The following HDAC9 variants were observed in gnomAD, a reference collection of about 807,000 sequenced individuals.
HDAC9 encodes histone deacetylase 9.
In HDAC9, 41 loss-of-function variants were observed where a neutral mutation model predicts 139.4. That is an observed-to-expected ratio of 0.29 (90% CI 0.23 to 0.38). The LOEUF (loss-of-function observed/expected upper bound fraction) is 0.38, where lower values mean the gene tolerates loss of function less well. Ranked by LOEUF, HDAC9 falls within the 10% of genes least tolerant of loss-of-function variation. HDAC9 has a pLI of 1.00. For synonymous variants in HDAC9, 517 were observed against 476.2 expected, an observed-to-expected ratio of 1.09 and a Z score of -1.12; for missense variants, 1,147 against 1,297.0, an observed-to-expected ratio of 0.88 and a Z score of 1.78.
At chr7:18,657,225 GT>G (rs1345358085) in intron 11 of HDAC9, among the ~76,000 whole-genome samples, 1 of 152,080 alleles carries the variant, frequency 6.6e-6, no homozygotes, top group Non-Finnish European at 1.5e-5. Context: ...CATCCTGTGG[GT>G]TTTAGCTTCA....
At chr7:18,336,507 A>G (rs1781596846) in intron 1 of HDAC9, among the ~76,000 whole-genome samples, 2 of 151,628 alleles carry the variant, frequency 1.3e-5, no homozygotes, top group South Asian at 4.1e-4. Flanking sequence ...TGTACTTTTC[A>G]CTATGAATAT....
intron 21 of HDAC9, among the ~76,000 whole-genome samples, chr7:18,870,414 T>C (rs756539909): frequency 1.4e-4 from 21 of 152,176 alleles, no homozygotes; most frequent in Non-Finnish European, 2.4e-4. Context: ...TTCCTCATTA[T>C]GAGATTTGAA....
intron 16 of HDAC9, among the ~76,000 whole-genome samples, chr7:18,777,562 A>C (rs1235520092): frequency 6.6e-6 from 1 of 152,026 alleles, no homozygotes; most frequent in Non-Finnish European, 1.5e-5. Flanking sequence ...ATAGTGCAAG[A>C]GAGATAAAAG....
intron 12 of HDAC9, among the ~76,000 whole-genome samples, chr7:18,696,603 G>A (rs552041084): frequency 6.6e-6 from 1 of 151,968 alleles, no homozygotes; most frequent in South Asian, 2.1e-4. Context: ...GAGTAGCTGG[G>A]ACTACAGATG....
At chr7:18,114,152 G>T (rs1343522364) in intron 1 of HDAC9, among the ~76,000 whole-genome samples, 1 of 152,192 alleles carries the variant, frequency 6.6e-6, no homozygotes, top group Non-Finnish European at 1.5e-5. Flanking sequence ...ATTTATGGTT[G>T]CAAGATGATA....
chr7:18,627,546 G>C (rs1163504287), intron 6 of HDAC9, among the ~76,000 whole-genome samples: 2 of 152,140 alleles, frequency 1.3e-5, no homozygotes, highest in East Asian at 3.8e-4. Flanking sequence ...CATTAATACA[G>C]TCCCAGTATC....
chr7:18,278,312 T>C (rs1796878785), intron 2 of HDAC9, among the ~76,000 whole-genome samples: 1 of 152,194 alleles, frequency 6.6e-6, no homozygotes, highest in African/African-American at 2.4e-5. Flanking sequence ...AAGGTGAGAT[T>C]TGTTATTTCA....
intron 25 of HDAC9, among the ~76,000 whole-genome samples, chr7:18,993,455 C>T (rs1238379052): frequency 3.9e-5 from 6 of 152,036 alleles, no homozygotes; most frequent in Admixed American, 6.6e-5. Flanking sequence ...CCTTGAAATC[C>T]AGGATATTTT....
At chr7:18,333,024 A>G (rs1201212846) in intron 1 of HDAC9, among the ~76,000 whole-genome samples, 1 of 151,584 alleles carries the variant, frequency 6.6e-6, no homozygotes, top group Non-Finnish European at 1.5e-5. Flanking sequence ...ATAGTTGCTG[A>G]TATTGTTAGG....
intron 1 of HDAC9, among the ~76,000 whole-genome samples, chr7:18,405,556 A>G (rs555487776): frequency 1.3e-5 from 2 of 152,308 alleles, no homozygotes; most frequent in African/African-American, 4.8e-5. Flanking sequence ...TTGTTCATCA[A>G]ATCTGAAAAA....
At chr7:18,786,601 CCTTCCTTCCT>C (rs1791786476) in intron 16 of HDAC9, among the ~76,000 whole-genome samples, 1 of 85,622 alleles carries the variant, frequency 1.2e-5, no homozygotes, top group Non-Finnish European at 2.6e-5. Flanking sequence ...TTCCTTCCTT[CCTTCCTTCCT>C]TCCTTCCCTC....
chr7:18,993,085 G>C (rs763736293), intron 25 of HDAC9, among the ~76,000 whole-genome samples: 2 of 149,080 alleles, frequency 1.3e-5, no homozygotes, highest in Non-Finnish European at 3.0e-5. Flanking sequence ...TCACTCACCA[G>C]ATATCTTTCT....
At chr7:18,467,486 C>G (rs550584198) in intron 1 of HDAC9, among the ~76,000 whole-genome samples, 1 of 152,108 alleles carries the variant, frequency 6.6e-6, no homozygotes. Flanking sequence ...TGATAAATGT[C>G]ACTTTCTTGG....
intron 2 of HDAC9, chr7:18,162,402 C>G: frequency 6.8e-7 from 1 of 1,463,668 alleles, no homozygotes; most frequent in Non-Finnish European, 9.2e-7. Context: ...AAAGATGTTG[C>G]TTTGTGTTGT....
At chr7:18,884,515 C>T (rs1799976945) in intron 22 of HDAC9, among the ~76,000 whole-genome samples, 1 of 152,122 alleles carries the variant, frequency 6.6e-6, no homozygotes, top group African/African-American at 2.4e-5. Flanking sequence ...AAATTAGACC[C>T]TCGTCTTATA....
At chr7:18,248,298 T>C (rs1794688544) in intron 2 of HDAC9, among the ~76,000 whole-genome samples, 1 of 152,208 alleles carries the variant, frequency 6.6e-6, no homozygotes, top group African/African-American at 2.4e-5. Flanking sequence ...TAACATTTCT[T>C]ATATGCTCAA....
At chr7:18,789,286 G>GCGCACACACACACACGCGCACACA (rs146066951) in intron 16 of HDAC9, among the ~76,000 whole-genome samples, 1 of 148,396 alleles carries the variant, frequency 6.7e-6, no homozygotes, top group Non-Finnish European at 1.5e-5. Context: ...ACACATACAC[G>GCGCACACACACACACGCGCACACA]CACACACACA....
chr7:18,239,953 GTT>G (rs34044255), intron 2 of HDAC9, among the ~76,000 whole-genome samples: 2,015 of 132,932 alleles, frequency 0.015, 52 homozygotes, highest in African/African-American at 0.052. Context: ...GGTGCTGCAT[GTT>G]TTTTTTTTTT....
chr7:18,435,762 A>G (rs1697950407), intron 1 of HDAC9, among the ~76,000 whole-genome samples: 1 of 151,808 alleles, frequency 6.6e-6, no homozygotes, highest in African/African-American at 2.4e-5. Flanking sequence ...TCACAAAACA[A>G]TTGGAGAAAG....
Sources: allele counts gnomAD v4.1 joint callset (sites outside exome capture counted in the v4.1 genomes callset), GRCh38; gene constraint gnomAD v4.1.1; transcripts MANE v1.5; gene names NCBI Gene and HGNC (gene_info 2026-07-23, HGNC 2026-07-21).